The following VOPP1 variants were observed in gnomAD, a reference collection of about 807,000 sequenced individuals.
VOPP1 encodes the protein WW domain binding protein VOPP1.
Under a neutral mutation model 23.5 loss-of-function variants are expected in VOPP1, and 8 were observed. That is an observed-to-expected ratio of 0.34 (90% CI 0.20 to 0.61). The LOEUF (loss-of-function observed/expected upper bound fraction) is 0.61, where lower values mean the gene tolerates loss of function less well. VOPP1 is among the 20% of genes least tolerant of loss of function. The pLI, the probability that VOPP1 is intolerant of heterozygous loss-of-function variation, is 0.78. For synonymous variants in VOPP1, 83 were observed against 97.3 expected (o/e 0.85, Z 0.86); for missense variants, 174 against 238.1 (o/e 0.73, Z 1.77).
At chr7:55,434,994 A>C (rs1790789864), downstream of VOPP1, among the ~76,000 whole-genome samples, 1 of 152,306 alleles carries the variant, frequency 6.6e-6, no homozygotes, top group Admixed American at 6.5e-5. Context: ...TCATTTGCTA[A>C]ATTTACAAAT....
chr7:55,538,583 T>C (rs1398456068), intron 1 of VOPP1: 2 of 1,532,048 alleles, frequency 1.3e-6, no homozygotes, highest in Admixed American at 3.9e-5. Context: ...CATGGTTTAA[T>C]AACAAACATA....
At chr7:55,477,725 A>G (rs1449738109) in intron 4 of VOPP1, among the ~76,000 whole-genome samples, 1 of 152,250 alleles carries the variant, frequency 6.6e-6, no homozygotes, top group Non-Finnish European at 1.5e-5. Context: ...ATATTTGAAC[A>G]TGGAGATGGA....
intron 1 of VOPP1, among the ~76,000 whole-genome samples, chr7:55,539,288 T>C (rs575218175): frequency 6.6e-6 from 1 of 152,220 alleles, no homozygotes; most frequent in African/African-American, 2.4e-5. Flanking sequence ...GAGGTTGCAG[T>C]GAGCTAAGAT....
At chr7:55,511,840 G>A (rs921806909) in intron 2 of VOPP1, among the ~76,000 whole-genome samples, 2 of 152,178 alleles carry the variant, frequency 1.3e-5, no homozygotes, top group Non-Finnish European at 2.9e-5. Flanking sequence ...CAACTGCCTT[G>A]GGCACGTGTT....
At chr7:55,478,318 A>C (rs1214084170) in intron 4 of VOPP1, among the ~76,000 whole-genome samples, 3 of 152,202 alleles carry the variant, frequency 2.0e-5, no homozygotes, top group Non-Finnish European at 4.4e-5. Context: ...CAAAAATGTG[A>C]GTGTCCCAAA....
chr7:55,465,949 T>G (rs1037725040), downstream of VOPP1, among the ~76,000 whole-genome samples: 1 of 152,218 alleles, frequency 6.6e-6, no homozygotes, highest in East Asian at 1.9e-4. Flanking sequence ...AAATGTCATA[T>G]GTTGAAACTG....
At chr7:55,448,629 G>A (rs2129001001) in intron 4 of VOPP1, among the ~76,000 whole-genome samples, 1 of 152,288 alleles carries the variant, frequency 6.6e-6, no homozygotes, top group East Asian at 1.9e-4. Flanking sequence ...AATCCTCCGC[G>A]GGATCCTCCA....
intron 1 of VOPP1, among the ~76,000 whole-genome samples, chr7:55,544,225 A>G (rs761729570): frequency 1.6e-4 from 24 of 152,240 alleles, no homozygotes; most frequent in Admixed American, 5.2e-4. Flanking sequence ...ACTGGCTGTA[A>G]ATGTGTGGCC....
intron 4 of VOPP1, among the ~76,000 whole-genome samples, chr7:55,436,631 CGTGT>C (rs375341872): frequency 5.2e-5 from 7 of 135,020 alleles, no homozygotes; most frequent in East Asian, 2.0e-4. Context: ...TGTGTGTGTG[CGTGT>C]GTGTGCGTGC....
intron 4 of VOPP1, among the ~76,000 whole-genome samples, chr7:55,475,402 C>T (rs980336909): frequency 6.6e-6 from 1 of 152,160 alleles, no homozygotes; most frequent in Non-Finnish European, 1.5e-5. Context: ...CCGGCAGCCT[C>T]CACTGCCGGG....
In VOPP1 at chr7:55,552,589, T is replaced by C. The variant is rs534628892; in HGVS notation, c.54+19682A>G. On this transcript the variant is annotated intron_variant, in intron 1 of 4. Transcript: ENST00000285279. ...TGAAGTCTAGGAAAACGCTAAGTGATTGATGCCTCAAAAGAAAGTGCTGGA... is the reference window on the plus strand; with the variant it reads ...TGAAGTCTAGGAAAACGCTAAGTGACTGATGCCTCAAAAGAAAGTGCTGGA... The C allele has an allele frequency of 1.2e-5, 19 of 1,535,682 alleles. No individual in the cohort carries two copies. The South Asian group carries it at 1.7e-4, about 13-fold the overall frequency.
At chr7:55,570,290 A>G (rs1412750471) in intron 1 of VOPP1, among the ~76,000 whole-genome samples, 1 of 152,256 alleles carries the variant, frequency 6.6e-6, no homozygotes, top group East Asian at 1.9e-4. Context: ...ACGCCTCTCC[A>G]GCACAAAGTG....
chr7:55,543,665 A>G (rs1322484976), intron 1 of VOPP1, among the ~76,000 whole-genome samples: 1 of 151,122 alleles, frequency 6.6e-6, no homozygotes, highest in Non-Finnish European at 1.5e-5. Flanking sequence ...AGCGGTGTTG[A>G]GTATTTTTTC....
chr7:55,526,746 A>G (rs1367917135), intron 1 of VOPP1: 1 of 152,178 alleles, frequency 6.6e-6, no homozygotes, highest in Non-Finnish European at 1.5e-5. Flanking sequence ...TCTGGAAAGT[A>G]AGGATCCTTA....
At chr7:55,557,462 C>CAA (rs140308199) in intron 1 of VOPP1, among the ~76,000 whole-genome samples, 2 of 137,808 alleles carry the variant, frequency 1.5e-5, no homozygotes, top group East Asian at 2.1e-4. Context: ...TAAGATGTTT[C>CAA]AAAAAAAAAA....
At chr7:55,482,287 T>G (rs1380497610) in intron 4 of VOPP1, among the ~76,000 whole-genome samples, 1 of 151,510 alleles carries the variant, frequency 6.6e-6, no homozygotes, top group African/African-American at 2.4e-5. Context: ...ACATACATTA[T>G]CCATTACAAA....
At chr7:55,549,724 C>T (rs1483771438) in intron 1 of VOPP1, among the ~76,000 whole-genome samples, 1 of 152,192 alleles carries the variant, frequency 6.6e-6, no homozygotes, top group Non-Finnish European at 1.5e-5. Flanking sequence ...CATCTACATC[C>T]TTTCCCCAAA....
intron 1 of VOPP1, among the ~76,000 whole-genome samples, chr7:55,550,471 C>T (rs1797557240): frequency 6.6e-6 from 1 of 152,176 alleles, no homozygotes; most frequent in Non-Finnish European, 1.5e-5. Flanking sequence ...TGAAAGTTTG[C>T]AGTCTGGAAA....
intron 2 of VOPP1, among the ~76,000 whole-genome samples, chr7:55,511,267 G>C (rs572346175): frequency 1.1e-4 from 16 of 152,344 alleles, no homozygotes; most frequent in African/African-American, 2.9e-4. Flanking sequence ...CTATTATCAT[G>C]ATGACCCTCA....
Sources: allele counts gnomAD v4.1 joint callset (sites outside exome capture counted in the v4.1 genomes callset), GRCh38; gene constraint gnomAD v4.1.1; transcripts MANE v1.5; gene names NCBI Gene and HGNC (gene_info 2026-07-23, HGNC 2026-07-21).